Variants in COQ2 observed in about 807,000 individuals in gnomAD.
COQ2 encodes the protein coenzyme Q2, polyprenyltransferase, also known as 4-hydroxybenzoate polyprenyltransferase, mitochondrial.
COQ2 carries 25 observed loss-of-function variants against 35.7 expected under a neutral mutation model. The observed-to-expected ratio is 0.70, with a 90% confidence interval of 0.51 to 0.98. The LOEUF (loss-of-function observed/expected upper bound fraction) is 0.98, where lower values mean the gene tolerates loss of function less well. Among genes scored for constraint, COQ2 ranks in the 50% least tolerant of loss-of-function variants. The pLI, the probability that COQ2 is intolerant of heterozygous loss-of-function variation, is 0.00. For missense variants in COQ2, 488 were observed against 473.5 expected, an observed-to-expected ratio of 1.03 and a Z score of -0.28; for synonymous variants, 206 against 186.2, an observed-to-expected ratio of 1.11 and a Z score of -0.86.
chr4:83,266,727 T>C (rs1560491528), intron 6 of COQ2: 1 of 157,338 alleles, frequency 6.4e-6, no homozygotes, highest in East Asian at 1.9e-4. Context: ...GTCAACAATG[T>C]AGATTCTCAA....
rs781479729 is a variant in COQ2 at position 83,284,610 on chromosome 4, C to A, written c.155G>T (p.Arg52Leu). 7.2e-6 allele frequency: 11 copies of A among 1,533,244 alleles called. No homozygotes were observed. Among genetic ancestry groups the A allele is most frequent in the Non-Finnish European group, 9.6e-6 (11 of 1,140,902 alleles). 95.0% of individuals were successfully genotyped at this position (1,533,244 alleles called of 1,614,324 possible). The change falls in exon 1 of 7, where the codon CGC becomes CTC. Residue 52 changes from arginine (R) to leucine (L), a missense_variant. Arg to Leu is a moderately radical substitution (Grantham distance 102). Transcript: ENST00000647002. The stretch of plus-strand genomic sequence containing the variant: ...CGCGGACAAACTGAGCTGGCGCCCG[C>A]GCGGCTCGGGACAGGCGGGGGGCTG... Reference protein sequence around the residue: ...DLQPPACPEPRGRQLSLSAAA... With the variant: ...DLQPPACPEPLGRQLSLSAAA...
intron 2 of COQ2, among the ~76,000 whole-genome samples, chr4:83,278,275 A>C (rs1019645606): frequency 1.3e-5 from 2 of 152,216 alleles, no homozygotes; most frequent in African/African-American, 4.8e-5. Flanking sequence ...TCCTTGAGAA[A>C]ATAACTGTCT....
upstream of COQ2, chr4:83,284,983 T>G (rs1735438686): frequency 1.9e-6 from 2 of 1,079,682 alleles, no homozygotes; most frequent in Non-Finnish European, 2.6e-6. Flanking sequence ...GGCAAAAAAA[T>G]TACAATAAAT....
chr4:83,263,930 C>T lies in COQ2; in HGVS notation c.*269G>A, dbSNP rs73830461. On this transcript the variant is annotated 3_prime_UTR_variant, in exon 7 of 7. Transcript: ENST00000647002. ...AGGCTTTTTCTAAAGTGCCAAAACC[C>T]GTGCAATCCCCATAACTTCAGGTGA... 7.2e-3 allele frequency: 1,542 copies of T among 214,304 alleles called. 24 individuals are homozygous for T. The highest frequency in any genetic ancestry group is 0.034 in the African/African-American group (1,473 of 42,906). The allele number at this position is 214,304 out of a possible 1,614,324, so 13.3% of individuals were successfully genotyped here.
chr4:83,279,516 T>C (rs1275651815), intron 1 of COQ2, among the ~76,000 whole-genome samples: 1 of 152,124 alleles, frequency 6.6e-6, no homozygotes, highest in East Asian at 1.9e-4. Context: ...TCTAATGAGG[T>C]TACAAAATGG....
chr4:83,265,394 G>A (rs1241481032), intron 6 of COQ2, among the ~76,000 whole-genome samples: 1 of 152,028 alleles, frequency 6.6e-6, no homozygotes, highest in Non-Finnish European at 1.5e-5. Context: ...ACATGGCGAA[G>A]CCCCGTCTCT....
chr4:83,284,075 T>C (rs1313791127), intron 1 of COQ2: 3 of 985,422 alleles, frequency 3.0e-6, no homozygotes, highest in Non-Finnish European at 3.6e-6. Context: ...AGGATTGTCT[T>C]TGTGGGCCTT....
At chr4:83,275,715 C>CTA (rs750926988) in intron 2 of COQ2, among the ~76,000 whole-genome samples, 1 of 151,932 alleles carries the variant, frequency 6.6e-6, no homozygotes, top group Non-Finnish European at 1.5e-5. Flanking sequence ...TAACTCTAGT[C>CTA]AAGAGTGTGG....
intron 6 of COQ2, 140 bp from the exon 7 acceptor site, chr4:83,264,503 G>T: frequency 7.9e-7 from 1 of 1,261,150 alleles, no homozygotes; most frequent in Non-Finnish European, 1.0e-6. Context: ...TAGGCACGAA[G>T]GCACATGCCT....
intron 1 of COQ2, among the ~76,000 whole-genome samples, chr4:83,281,952 C>T (rs1463001498): frequency 6.6e-6 from 1 of 151,492 alleles, no homozygotes; most frequent in African/African-American, 2.4e-5. Context: ...CCTACTGATT[C>T]CTAGCAATGT....
chr4:83,265,207 C>G (rs1011023624), intron 6 of COQ2, among the ~76,000 whole-genome samples: 1 of 152,172 alleles, frequency 6.6e-6, no homozygotes, highest in Non-Finnish European at 1.5e-5. Flanking sequence ...TGCAGACTTA[C>G]AATTATCATG....
intron 6 of COQ2, chr4:83,266,920 AT>A (rs917693737): frequency 6.7e-5 from 19 of 283,620 alleles, no homozygotes; most frequent in East Asian, 1.2e-4. Flanking sequence ...AGAAACCCAG[AT>A]TTTTTTTTAA....
chr4:83,284,572 C>A lies in COQ2; in HGVS notation c.193G>T (p.Asp65Tyr). The A allele has an allele frequency of 6.4e-7, 1 of 1,556,374 alleles. No individual in the cohort carries two copies. Among genetic ancestry groups the A allele is most frequent in the African/African-American group, 1.4e-5 (1 of 71,928 alleles). ...GGCTGCAGGGGGCGGGGCGCAGAGTCCACCACCGCCGCCGCGGACAAACTG... is the reference window on the plus strand; with the variant it reads ...GGCTGCAGGGGGCGGGGCGCAGAGTACACCACCGCCGCCGCGGACAAACTG... ...QLSLSAAAVVDSAPRPLQPYL... is the reference protein window; with the variant it reads ...QLSLSAAAVVYSAPRPLQPYL... The change falls in exon 1 of 7, where the codon GAC becomes TAC. Residue 65 changes from aspartate to tyrosine, a missense_variant. By Grantham distance (160) the Asp-to-Tyr change is radical. Transcript: ENST00000647002.
At chr4:83,269,008 G>A (rs189819754) in intron 5 of COQ2, among the ~76,000 whole-genome samples, 2 of 151,986 alleles carry the variant, frequency 1.3e-5, no homozygotes, top group East Asian at 1.9e-4. Flanking sequence ...TAAAGCTGGG[G>A]GAGAGTTTAT....
chr4:83,270,407 A>C (rs928256861), intron 4 of COQ2, among the ~76,000 whole-genome samples: 4 of 152,274 alleles, frequency 2.6e-5, no homozygotes, highest in African/African-American at 7.2e-5. Context: ...TCAGCTACTG[A>C]AACATGAATA....
In COQ2 at chr4:83,264,329, C is replaced by T; in HGVS notation, c.986G>A (p.Cys329Tyr). 3 of 1,612,492 alleles carry T rather than the reference C, an allele frequency of 1.9e-6. No individual in the cohort carries two copies. The highest frequency in any genetic ancestry group is 1.7e-5 in the Admixed American group (1 of 59,782). The part of the protein sequence containing the change: ...YTLDIHRPED[C>Y]WNKFISNRTL... The stretch of plus-strand genomic sequence containing the variant: ...TCGGTTGGAGATAAATTTATTCCAA[C>T]AATCCTCAGGTCTGTGGATGTCTAG... The change falls in exon 7 of 7, where the codon TGT (cysteine) becomes TAT (tyrosine). Residue 329 changes from cysteine (C) to tyrosine (Y), a missense_variant. By Grantham distance (194) the Cys-to-Tyr change is radical (BLOSUM62 -2). Transcript: ENST00000647002.
intron 2 of COQ2, among the ~76,000 whole-genome samples, chr4:83,278,356 A>C (rs1735232658): frequency 6.6e-6 from 1 of 152,224 alleles, no homozygotes; most frequent in Admixed American, 6.5e-5. Context: ...GTGAAAAATA[A>C]TGCATCAAGT....
At chr4:83,274,986 C>T (rs1488827246) in intron 2 of COQ2, among the ~76,000 whole-genome samples, 1 of 152,194 alleles carries the variant, frequency 6.6e-6, no homozygotes, top group Non-Finnish European at 1.5e-5. Context: ...ATATCTTTCA[C>T]TTCTAAAATT....
intron 4 of COQ2, among the ~76,000 whole-genome samples, chr4:83,271,219 A>G (rs1735040586): frequency 6.6e-6 from 1 of 152,206 alleles, no homozygotes; most frequent in South Asian, 2.1e-4. Context: ...ACCAAGTGCT[A>G]TGCTAAATGC....
Sources: gnomAD v4.1 joint callset for allele counts (sites outside exome capture counted in the v4.1 genomes callset) on GRCh38, gnomAD v4.1.1 for gene constraint, MANE v1.5 for transcripts, NCBI Gene and HGNC (gene_info 2026-07-23, HGNC 2026-07-21) for gene names.